Variants in RSRP1 observed in about 807,000 individuals in gnomAD.
RSRP1 encodes the protein arginine and serine rich protein 1.
Under a neutral mutation model 33.0 loss-of-function variants are expected in RSRP1, and 37 were observed. The observed-to-expected ratio is 1.12, with a 90% CI of 0.86 to 1.48. RSRP1 has a LOEUF of 1.48. Among genes scored for constraint, RSRP1 ranks in the 40% most tolerant of loss-of-function variants. The pLI is 0.00. For missense variants in RSRP1, 402 were observed against 385.3 expected, an observed-to-expected ratio of 1.04 and a Z score of -0.36; for synonymous variants, 167 against 158.7, an observed-to-expected ratio of 1.05 and a Z score of -0.40.
chr1:25,251,661 G>T (rs929754253), upstream of RSRP1, among the ~76,000 whole-genome samples: 6 of 152,108 alleles, frequency 3.9e-5, no homozygotes, highest in South Asian at 2.1e-4. Context: ...GAGCCACTGC[G>T]CCCGGCTCAA....
intron 1 of RSRP1, among the ~76,000 whole-genome samples, chr1:25,256,865 A>C (rs1436847209): frequency 6.6e-6 from 1 of 152,124 alleles, no homozygotes; most frequent in Non-Finnish European, 1.5e-5. Flanking sequence ...GGCATCTCAC[A>C]ATGAGTCCAC....
chr1:25,287,828 C>G (rs1193773963), intron 1 of RSRP1, among the ~76,000 whole-genome samples: 1 of 74,588 alleles, frequency 1.3e-5, no homozygotes, highest in East Asian at 4.7e-4. Context: ...CTCAAGTGAT[C>G]CTCCCACCTC....
chr1:25,331,050 C>A (rs1437413920), intron 1 of RSRP1, among the ~76,000 whole-genome samples: 2 of 115,762 alleles, frequency 1.7e-5, no homozygotes, highest in African/African-American at 5.8e-5. Context: ...TCACTGCAAC[C>A]TCTGCCTCCC....
At position 25,294,364 on chromosome 1, in the gene RSRP1, A is replaced by T; in HGVS notation, c.-67+43614T>A. ...TGAAGAGTGAGGGCTGCAGCCAGGG[A>T]ATAGTCCGTCGCAGAGCAAGGATTC... On this transcript the variant is annotated intron_variant, in intron 1 of 1. Coordinates refer to the RSRP1 transcript ENST00000561867. 2 of 850,258 alleles carry T rather than the reference A, an allele frequency of 2.4e-6. 1 individual carries two copies. Among genetic ancestry groups the T allele is most frequent in the Non-Finnish European group, 4.0e-6 (2 of 503,814 alleles). The allele number at this position is 850,258 out of a possible 1,614,324, so 52.7% of individuals were successfully genotyped here. A position where few individuals can be genotyped will look rare whatever the true frequency, so the allele number is the denominator to read the frequency against.
chr1:25,320,870 T>C (rs111998205), intron 1 of RSRP1, among the ~76,000 whole-genome samples: 2 of 130,306 alleles, frequency 1.5e-5, no homozygotes, highest in African/African-American at 2.6e-5. Flanking sequence ...GGCTAAGTCC[T>C]GTCTCTGCAA....
At position 25,314,554 on chromosome 1, in the gene RSRP1, C is replaced by T. The variant is rs146172086; in HGVS notation, c.-67+23424G>A. 2.3e-3 allele frequency among the ~76,000 whole-genome samples: 302 copies of T among 132,868 alleles called. 42 individuals are homozygous for T. The highest frequency in any genetic ancestry group is 7.3e-3 in the African/African-American group (285 of 39,074). The allele number at this position is 132,868 out of a possible 152,430, so 87.2% of individuals were successfully genotyped here. On this transcript the variant is annotated intron_variant, in intron 1 of 1. Transcript: ENST00000561867. ...TGTCACCCAGGCTGGAATGCAGTGGCGCTATCTCAGCCCACTACAACCTCT... is the reference window on the plus strand; with the variant it reads ...TGTCACCCAGGCTGGAATGCAGTGGTGCTATCTCAGCCCACTACAACCTCT...
chr1:25,242,701 G>A lies in RSRP1; in HGVS notation c.761C>T (p.Ser254Phe). 1 of 1,596,250 alleles carries A rather than the reference G, an allele frequency of 6.3e-7. No homozygotes were observed. The highest frequency in any genetic ancestry group is 8.5e-7 in the Non-Finnish European group (1 of 1,173,838). Reference sequence around the variant, plus strand: ...TGATTTTTGTATTGGCTTTGCTACAGAATTCTGTAAAAGAACAAATTCAGT... The same window carrying A: ...TGATTTTTGTATTGGCTTTGCTACAAAATTCTGTAAAAGAACAAATTCAGT... Reference protein sequence around the residue: ...QRSIAFSSNNSVAKPIQKSAK... With the variant: ...QRSIAFSSNNFVAKPIQKSAK... The change falls in exon 5 of 5, where the codon TCT becomes TTT. Residue 254 changes from serine to phenylalanine, a missense_variant. Physicochemically the swap from Ser to Phe is radical, Grantham distance 155. Transcript: ENST00000243189.
In RSRP1 at chr1:25,315,274, A is replaced by G. The variant is rs1184376635; in HGVS notation, c.-67+22704T>C. On this transcript the variant is annotated intron_variant, in intron 1 of 1. Coordinates refer to the RSRP1 transcript ENST00000561867. ...TACATTTTTCAGTCATTCAACAAAT[A>G]TTTCCCTGAGGTTTTGATAACCTGA... Among the ~76,000 whole-genome samples the G allele has an allele frequency of 1.5e-5, 2 of 129,692 alleles. 1 individual carries two copies. The highest frequency in any genetic ancestry group is 3.6e-5 in the Non-Finnish European group (2 of 55,306). The allele number at this position is 129,692 out of a possible 152,430, so 85.1% of individuals were successfully genotyped here. A position where few individuals can be genotyped will look rare whatever the true frequency, so the allele number is the denominator to read the frequency against.
intron 1 of RSRP1, among the ~76,000 whole-genome samples, chr1:25,259,008 C>T (rs1306849408): frequency 6.6e-6 from 1 of 152,112 alleles, no homozygotes; most frequent in African/African-American, 2.4e-5. Context: ...CAGCCATGTA[C>T]CACATAACAA....
chr1:25,246,892 C>A lies in RSRP1; in HGVS notation c.72G>T (p.Ser24=). Residue 24 remains serine, a synonymous_variant, in exon 2 of 5, where the codon TCG becomes TCT. Coordinates refer to ENST00000243189, the MANE Select transcript of RSRP1 (RefSeq NM_020317.5). The part of the protein sequence containing the change: ...QEKDSPSTSR[S]GGSSRLSSRS... Reference sequence around the variant, plus strand: ...GCGACGACAGCCGGCTGGACCCGCCCGACCGCGAGGTCGAGGGCGAATCCT... The same window carrying A: ...GCGACGACAGCCGGCTGGACCCGCCAGACCGCGAGGTCGAGGGCGAATCCT... The A allele has an allele frequency of 6.2e-7, 1 of 1,605,820 alleles. No homozygotes were observed. The highest frequency in any genetic ancestry group is 8.5e-7 in the Non-Finnish European group (1 of 1,174,190).
rs1201306710 is a variant in RSRP1 at position 25,316,214 on chromosome 1, AGTATGTTCAAGGG to A, written c.-67+21751_-67+21763del. On this transcript the variant is annotated intron_variant, in intron 1 of 1. Coordinates refer to the RSRP1 transcript ENST00000561867. ...TGCCTTGAAGGAGAGAGGTCGTGGA[AGTATGTTCAAGGG>A]GTAGGGATGGGCAGGGGAGATGGGT... Among the ~76,000 whole-genome samples, 10 of 130,430 alleles carry A rather than the reference AGTATGTTCAAGGG, an allele frequency of 7.7e-5. 2 individuals carry two copies. The highest frequency in any genetic ancestry group is 1.8e-4 in the Non-Finnish European group (10 of 55,306). 85.6% of individuals were successfully genotyped at this position (130,430 alleles called of 152,430 possible).
At chr1:25,281,186 C>A (rs1276123213) in intron 1 of RSRP1, among the ~76,000 whole-genome samples, 1 of 132,064 alleles carries the variant, frequency 7.6e-6, no homozygotes, top group East Asian at 2.0e-4. Context: ...CAGAGCTGGG[C>A]TCTGCTGCCG....
chr1:25,250,678 A>C (rs1466600547), upstream of RSRP1, among the ~76,000 whole-genome samples: 1 of 152,202 alleles, frequency 6.6e-6, no homozygotes, highest in East Asian at 1.9e-4. Context: ...GAGAGAGTCA[A>C]AGCATGAGAA....
At chr1:25,329,039 C>T (rs1483206803) in intron 1 of RSRP1, 1 of 1,376,590 alleles carries the variant, frequency 7.3e-7, no homozygotes, top group East Asian at 2.2e-5. Context: ...AATGTTCGCG[C>T]AGGCACTGGA....
At chr1:25,271,015 A>G (rs1461881193) in intron 1 of RSRP1, among the ~76,000 whole-genome samples, 1 of 129,968 alleles carries the variant, frequency 7.7e-6, no homozygotes, top group Non-Finnish European at 1.8e-5. Flanking sequence ...TAAACAGTCT[A>G]TCCTCTGTGT....
intron 1 of RSRP1, chr1:25,267,644 C>T (rs1640350056): frequency 7.7e-6 from 1 of 129,176 alleles, no homozygotes; most frequent in African/African-American, 2.7e-5. Flanking sequence ...CAAACCTGAA[C>T]CCACCTTTTG....
intron 1 of RSRP1, chr1:25,266,282 G>A (rs1640308952): frequency 7.6e-6 from 1 of 130,732 alleles, no homozygotes; most frequent in Admixed American, 7.4e-5. Context: ...AGAAAAAAGG[G>A]TAGGGGCAAA....
chr1:25,286,787 A>G lies in RSRP1; in HGVS notation c.-66-39758T>C, dbSNP rs1642050013. Among the ~76,000 whole-genome samples the G allele has an allele frequency of 1.5e-5, 2 of 130,192 alleles. 1 individual carries two copies. Among genetic ancestry groups the G allele is most frequent in the Non-Finnish European group, 3.6e-5 (2 of 55,988 alleles). The allele number at this position is 130,192 out of a possible 152,430, so 85.4% of individuals were successfully genotyped here. ...GGTGACAGAGCGAGACTCCGTCTCA[A>G]AAAAAAAAAACAAAAACAGTTTTAG... On this transcript the variant is annotated intron_variant, in intron 1 of 1. Transcript: ENST00000561867.
chr1:25,253,304 G>GTA (rs781083028), intron 1 of RSRP1: 7 of 152,200 alleles, frequency 4.6e-5, no homozygotes, highest in Admixed American at 6.5e-5. Context: ...ATGTGTTTTG[G>GTA]TTTATCAGCT....
Sources: gnomAD v4.1 joint callset for allele counts (sites outside exome capture counted in the v4.1 genomes callset) on GRCh38, gnomAD v4.1.1 for gene constraint, MANE v1.5 for transcripts, NCBI Gene and HGNC (gene_info 2026-07-23, HGNC 2026-07-21) for gene names.